RAPGEF2: variants seen among roughly 807,000 people sequenced by gnomAD.
RAPGEF2 encodes the protein Rap guanine nucleotide exchange factor 2.
In RAPGEF2, 54 loss-of-function variants were observed where a neutral mutation model predicts 186.7. That is an observed-to-expected ratio of 0.29 (90% CI 0.23 to 0.36). The LOEUF is 0.36. Ranked by LOEUF, RAPGEF2 falls within the 10% of genes least tolerant of loss-of-function variation. RAPGEF2 has a pLI of 1.00. For missense variants in RAPGEF2, 1,532 were observed against 2,045.0 expected (o/e 0.75, Z 4.84); for synonymous variants, 712 against 705.9 (o/e 1.01, Z -0.14).
intron 7 of RAPGEF2, among the ~76,000 whole-genome samples, chr4:159,300,374 T>G (rs1245653038): frequency 1.3e-5 from 2 of 151,762 alleles, no homozygotes; most frequent in Non-Finnish European, 1.5e-5. Flanking sequence ...ACAGGTGGTG[T>G]TTTTTAGGAC....
intron 1 of RAPGEF2, among the ~76,000 whole-genome samples, chr4:159,159,598 T>A (rs550742180): frequency 8.5e-5 from 13 of 152,248 alleles, no homozygotes; most frequent in African/African-American, 2.6e-4. Flanking sequence ...AGTGTAGTGT[T>A]GTTCCAAGAG....
At chr4:159,109,092 G>A (rs1738211117) in intron 1 of RAPGEF2, among the ~76,000 whole-genome samples, 2 of 152,132 alleles carry the variant, frequency 1.3e-5, no homozygotes, top group African/African-American at 4.8e-5. Flanking sequence ...TGGACTATCC[G>A]AAATAATGAT....
intron 17 of RAPGEF2, 68 bp from the exon 18 acceptor site, chr4:159,338,243 T>G (rs1767749367): frequency 7.1e-7 from 1 of 1,400,994 alleles, no homozygotes; most frequent in Non-Finnish European, 9.7e-7. Flanking sequence ...TGGTCTGTGT[T>G]TATTATATAG....
chr4:159,332,763 A>AT, intron 17 of RAPGEF2, 66 bp downstream of exon 17: 1 of 1,528,434 alleles, frequency 6.5e-7, no homozygotes, highest in Non-Finnish European at 8.9e-7. Context: ...AAAGATAGTG[A>AT]TGTAATTAAT....
At chr4:159,140,665 G>C (rs1742217920) in intron 1 of RAPGEF2, among the ~76,000 whole-genome samples, 1 of 152,106 alleles carries the variant, frequency 6.6e-6, no homozygotes, top group Non-Finnish European at 1.5e-5. Context: ...CTCTCTAGTA[G>C]ACAAAGAAAT....
intron 7 of RAPGEF2, among the ~76,000 whole-genome samples, chr4:159,270,876 TTA>T (rs747538010): frequency 5.9e-5 from 9 of 152,218 alleles, no homozygotes; most frequent in Admixed American, 2.6e-4. Flanking sequence ...GGCTGTGTTT[TTA>T]TAGTCATGTG....
chr4:159,235,049 C>T (rs530176835), intron 4 of RAPGEF2, among the ~76,000 whole-genome samples: 3 of 152,272 alleles, frequency 2.0e-5, no homozygotes, highest in South Asian at 2.1e-4. Context: ...CATGAGCCAC[C>T]GTGCCCAGCC....
intron 1 of RAPGEF2, among the ~76,000 whole-genome samples, chr4:159,137,268 G>A (rs1444378237): frequency 6.6e-6 from 1 of 152,176 alleles, no homozygotes; most frequent in Non-Finnish European, 1.5e-5. Context: ...GTTCTGGCCT[G>A]TATCATTTTC....
intron 1 of RAPGEF2, among the ~76,000 whole-genome samples, chr4:159,134,535 CT>C (rs1235449883): frequency 5.3e-5 from 8 of 152,106 alleles, no homozygotes; most frequent in African/African-American, 1.9e-4. Context: ...GTATGTTTAA[CT>C]TTTTGAAAAA....
At chr4:159,122,583 A>G (rs1040887862) in intron 1 of RAPGEF2, among the ~76,000 whole-genome samples, 3 of 152,250 alleles carry the variant, frequency 2.0e-5, no homozygotes, top group African/African-American at 7.2e-5. Flanking sequence ...AAGATGCAGC[A>G]TTAAATCATA....
At chr4:159,331,868 TTGGTGTC>T in intron 15 of RAPGEF2, 35 bp downstream of exon 15, 1 of 1,600,884 alleles carries the variant, frequency 6.2e-7, no homozygotes, top group Non-Finnish European at 8.5e-7. Flanking sequence ...AGGGTGAATT[TTGGTGTC>T]TGGTTTTTTT....
intron 1 of RAPGEF2, among the ~76,000 whole-genome samples, chr4:159,164,135 G>A (rs1745020980): frequency 6.6e-6 from 1 of 151,902 alleles, no homozygotes; most frequent in South Asian, 2.1e-4. Context: ...CTCCTGAGTA[G>A]CTGGGACTAC....
rs142993290 is a variant in RAPGEF2 at position 159,109,631 on chromosome 4, A to G, written c.69+5400A>G. Among the ~76,000 whole-genome samples the G allele has an allele frequency of 7.9e-5, 12 of 152,320 alleles. 1 individual carries two copies. In the East Asian group the frequency reaches 1.3e-3, roughly 17 times the overall value. On this transcript the variant is annotated intron_variant, in intron 1 of 29. Coordinates refer to ENST00000691494, the MANE Select transcript of RAPGEF2 (RefSeq NM_001394067.2). ...TGTCCCTCAAGTAACTCACTAATCT[A>G]TTGTTATAAGTAGATTGTAATTCAT...
intron 3 of RAPGEF2, among the ~76,000 whole-genome samples, chr4:159,202,366 T>A (rs1301828586): frequency 2.0e-5 from 3 of 152,168 alleles, no homozygotes; most frequent in Non-Finnish European, 4.4e-5. Flanking sequence ...AACTTCTAGT[T>A]CCAGTTTGCT....
Position 159,350,131 on chromosome 4 carries a change from T to C in RAPGEF2, c.3713-6T>C. 1 of 1,502,910 alleles carries C rather than the reference T, an allele frequency of 6.7e-7. No homozygotes were observed. Among genetic ancestry groups the C allele is most frequent in the Non-Finnish European group, 8.9e-7 (1 of 1,120,638 alleles). The allele number at this position is 1,502,910 out of a possible 1,614,324, so 93.1% of individuals were successfully genotyped here. A position where few individuals can be genotyped will look rare whatever the true frequency, so the allele number is the denominator to read the frequency against. ...CATATTTAAGGTTTTTTTTTTTCCA[T>C]TATAGGCATAAACTCTCCACAAGCT... On this transcript the variant is annotated splice_polypyrimidine_tract_variant and splice_region_variant and intron_variant, in intron 25 of 29. Transcript: ENST00000691494.
At chr4:159,300,232 T>C (rs1040805812) in intron 7 of RAPGEF2, among the ~76,000 whole-genome samples, 1 of 151,696 alleles carries the variant, frequency 6.6e-6, no homozygotes, top group Non-Finnish European at 1.5e-5. Context: ...ATATAATTAA[T>C]ATAATCTGAT....
chr4:159,139,982 T>TCTG (rs1742141058), intron 1 of RAPGEF2, among the ~76,000 whole-genome samples: 1 of 152,202 alleles, frequency 6.6e-6, no homozygotes, highest in African/African-American at 2.4e-5. Context: ...GAATTTGAGT[T>TCTG]ATACCATTTC....
At chr4:159,226,694 T>C (rs1263530628) in intron 4 of RAPGEF2, among the ~76,000 whole-genome samples, 1 of 152,220 alleles carries the variant, frequency 6.6e-6, no homozygotes, top group Admixed American at 6.5e-5. Flanking sequence ...ATACACATTC[T>C]TCATTGTATT....
chr4:159,324,972 T>G (rs925472808), intron 11 of RAPGEF2, among the ~76,000 whole-genome samples: 4 of 152,174 alleles, frequency 2.6e-5, no homozygotes, highest in African/African-American at 9.6e-5. Context: ...GTCTGCAGTT[T>G]GAAAAACATC....
Sources: allele counts gnomAD v4.1 joint callset (sites outside exome capture counted in the v4.1 genomes callset), GRCh38; gene constraint gnomAD v4.1.1; transcripts MANE v1.5; gene names NCBI Gene and HGNC (gene_info 2026-07-23, HGNC 2026-07-21).